Variants in SLC7A1 observed in about 807,000 individuals in gnomAD.
SLC7A1 encodes high affinity cationic amino acid transporter 1.
Under a neutral mutation model 53.9 loss-of-function variants are expected in SLC7A1, and 10 were observed. That is an observed-to-expected ratio of 0.19 (90% CI 0.11 to 0.31). The LOEUF (loss-of-function observed/expected upper bound fraction) is 0.31. Ranked by LOEUF, SLC7A1 falls within the 10% of genes least tolerant of loss-of-function variation. SLC7A1 has a pLI of 1.00. For missense variants in SLC7A1, 525 were observed against 827.2 expected, an observed-to-expected ratio of 0.63 and a Z score of 4.48; for synonymous variants, 342 against 338.7, an observed-to-expected ratio of 1.01 and a Z score of -0.11.
rs1868760648 is a variant in SLC7A1 at position 29,523,992 on chromosome 13, C to T, written c.826+140G>A. 4 of 772,490 alleles carry T rather than the reference C, an allele frequency of 5.2e-6. No individual in the cohort carries two copies. The Admixed American group carries it at 7.8e-5, about 15-fold the overall frequency. 47.9% of individuals were successfully genotyped at this position (772,490 alleles called of 1,614,324 possible). On this transcript the variant is annotated intron_variant, in intron 6 of 12. Coordinates refer to ENST00000380752, the MANE Select transcript of SLC7A1 (RefSeq NM_003045.5). ...ATGGTTTGGGGGTGGGAGGGCTTGG[C>T]AGGAAGCTACAAATCTACATGTTGC...
Position 29,513,708 on chromosome 13 carries a change from C to G in SLC7A1, c.*772G>C, listed in dbSNP as rs1438926654. The G allele has an allele frequency of 6.5e-6, 1 of 152,838 alleles. No homozygotes were observed. The highest frequency in any genetic ancestry group is 1.5e-5 in the Non-Finnish European group (1 of 68,274). The allele number at this position is 152,838 out of a possible 1,614,324, so 9.5% of individuals were successfully genotyped here. On this transcript the variant is annotated 3_prime_UTR_variant, in exon 13 of 13. Coordinates refer to ENST00000380752, the MANE Select transcript of SLC7A1 (RefSeq NM_003045.5). ...GACGGCAGGAGCAGCAAGAACTGGC[C>G]CAGGCCTGGAGGCCGTGAGCTGAAG...
At chr13:29,576,293 T>TTAAAAAAAAAAAAAAAA (rs552407983) in intron 1 of SLC7A1, among the ~76,000 whole-genome samples, 6 of 124,966 alleles carry the variant, frequency 4.8e-5, no homozygotes, top group South Asian at 2.5e-4. Context: ...TCCTGTTTTT[T>TTAAAAAAAAAAAAAAAA]AAAAAAAAAA....
chr13:29,545,889 G>A (rs560782379), intron 2 of SLC7A1, among the ~76,000 whole-genome samples: 16 of 152,306 alleles, frequency 1.1e-4, no homozygotes, highest in South Asian at 1.0e-3. Flanking sequence ...CCCGAAAAGT[G>A]TTTCCTCCTG....
intron 1 of SLC7A1, among the ~76,000 whole-genome samples, chr13:29,574,907 G>A (rs969562215): frequency 6.6e-6 from 1 of 152,146 alleles, no homozygotes; most frequent in Non-Finnish European, 1.5e-5. Flanking sequence ...GCCTCCCAAA[G>A]TGCTGGGATT....
At chr13:29,548,640 C>T (rs1467934255) in intron 2 of SLC7A1, among the ~76,000 whole-genome samples, 1 of 152,268 alleles carries the variant, frequency 6.6e-6, no homozygotes, top group Non-Finnish European at 1.5e-5. Context: ...AGCACGAGGA[C>T]TTCCAGCTTC....
At chr13:29,556,794 A>G (rs1210352600) in intron 1 of SLC7A1, among the ~76,000 whole-genome samples, 1 of 152,244 alleles carries the variant, frequency 6.6e-6, no homozygotes, top group Non-Finnish European at 1.5e-5. Flanking sequence ...CAACAGTTTG[A>G]GAACCACTGC....
chr13:29,586,831 C>T (rs1374878689), intron 1 of SLC7A1: 3 of 152,284 alleles, frequency 2.0e-5, no homozygotes, highest in African/African-American at 7.2e-5. Context: ...AAGCCCCACT[C>T]CCTCTTTGAT....
chr13:29,572,436 A>G (rs1017599587), intron 1 of SLC7A1, among the ~76,000 whole-genome samples: 1 of 152,230 alleles, frequency 6.6e-6, no homozygotes, highest in Non-Finnish European at 1.5e-5. Context: ...TGCTGGAAAG[A>G]CAGAGGGTGG....
At chr13:29,524,649 G>A (rs756426167) in intron 5 of SLC7A1, among the ~76,000 whole-genome samples, 7 of 152,090 alleles carry the variant, frequency 4.6e-5, no homozygotes, top group Non-Finnish European at 8.8e-5. Flanking sequence ...TCCTACCCCG[G>A]GTCCCATATT....
intron 1 of SLC7A1, among the ~76,000 whole-genome samples, chr13:29,578,053 G>A (rs1007131845): frequency 1.3e-5 from 2 of 152,102 alleles, no homozygotes; most frequent in Admixed American, 6.5e-5. Flanking sequence ...CACTAAGTCC[G>A]TGGTTCTCCT....
chr13:29,552,037 C>T (rs1870214772), intron 2 of SLC7A1, among the ~76,000 whole-genome samples: 1 of 152,162 alleles, frequency 6.6e-6, no homozygotes, highest in African/African-American at 2.4e-5. Context: ...AAGTTGCTTA[C>T]ATGTGGCAAA....
In SLC7A1 at chr13:29,510,829, G is replaced by T. The variant is rs1291909017; in HGVS notation, c.*3651C>A. On this transcript the variant is annotated 3_prime_UTR_variant, in exon 13 of 13. Coordinates refer to ENST00000380752, the MANE Select transcript of SLC7A1 (RefSeq NM_003045.5). ...ATGGGATGTGTGAATCAGAAGAGGG[G>T]CCCTGGCACAGAGCCAGGCAGGCTT... The T allele has an allele frequency of 6.6e-6, 1 of 152,294 alleles. No individual in the cohort carries two copies. The highest frequency in any genetic ancestry group is 1.5e-5 in the Non-Finnish European group (1 of 68,064). 9.4% of individuals were successfully genotyped at this position (152,294 alleles called of 1,614,324 possible).
intron 1 of SLC7A1, among the ~76,000 whole-genome samples, chr13:29,561,744 C>A (rs1870766496): frequency 6.6e-6 from 1 of 152,202 alleles, no homozygotes; most frequent in Non-Finnish European, 1.5e-5. Context: ...ACCGAAGAAT[C>A]CAGAACTGCC....
At chr13:29,538,438 A>C (rs924780729) in intron 2 of SLC7A1, among the ~76,000 whole-genome samples, 5 of 152,188 alleles carry the variant, frequency 3.3e-5, no homozygotes, top group African/African-American at 1.2e-4. Context: ...TGCTTTCAGC[A>C]ACACAAGGGA....
At chr13:29,552,222 T>TACAC (rs34563180) in intron 2 of SLC7A1, among the ~76,000 whole-genome samples, 15,268 of 146,434 alleles carry the variant, frequency 0.1, 1,328 homozygotes, top group East Asian at 0.51. Flanking sequence ...TGAGGGTCAT[T>TACAC]ACACACACAC....
At chr13:29,541,197 T>TA (rs1869650882) in intron 2 of SLC7A1, among the ~76,000 whole-genome samples, 1 of 152,084 alleles carries the variant, frequency 6.6e-6, no homozygotes. Context: ...TGCAAGAACT[T>TA]ACATTTTGAA....
chr13:29,573,980 C>T (rs1039222699), intron 1 of SLC7A1, among the ~76,000 whole-genome samples: 1 of 152,208 alleles, frequency 6.6e-6, no homozygotes, highest in Non-Finnish European at 1.5e-5. Flanking sequence ...TTGACAAGCT[C>T]TCTCACATGC....
At chr13:29,538,784 G>T (rs1869537713) in intron 2 of SLC7A1, among the ~76,000 whole-genome samples, 1 of 152,254 alleles carries the variant, frequency 6.6e-6, no homozygotes. Flanking sequence ...CAGCTGAAAA[G>T]CCTGTGCTGG....
At chr13:29,519,640 G>A (rs1262752543) in intron 8 of SLC7A1, 91 bp from the exon 9 acceptor site, 12 of 741,666 alleles carry the variant, frequency 1.6e-5, no homozygotes, top group South Asian at 3.5e-5. Flanking sequence ...CCAGGGCAGC[G>A]AAGGGGGCTG....
Sources: gnomAD v4.1 joint callset for allele counts (sites outside exome capture counted in the v4.1 genomes callset) on GRCh38, gnomAD v4.1.1 for gene constraint, MANE v1.5 for transcripts, NCBI Gene and HGNC (gene_info 2026-07-23, HGNC 2026-07-21) for gene names.